Variants in PACS1 observed in about 807,000 individuals in gnomAD.
PACS1 encodes the protein phosphofurin acidic cluster sorting protein 1.
PACS1 carries 24 observed loss-of-function variants against 115.0 expected under a neutral mutation model. The ratio of observed to expected loss-of-function variants is 0.21; its 90% CI spans 0.15 to 0.29. The LOEUF (loss-of-function observed/expected upper bound fraction) is 0.29, where lower values mean the gene tolerates loss of function less well. Among genes scored for constraint, PACS1 ranks in the 10% least tolerant of loss-of-function variants. PACS1 has a pLI of 1.00. For missense variants in PACS1, 838 were observed against 1,251.2 expected (o/e 0.67, Z 4.98); for synonymous variants, 453 against 504.5 (o/e 0.90, Z 1.37).
intron 1 of PACS1, among the ~76,000 whole-genome samples, chr11:66,170,547 C>T (rs1375497001): frequency 6.7e-6 from 1 of 150,106 alleles, no homozygotes; most frequent in Non-Finnish European, 1.5e-5. Context: ...CTTTCAAATG[C>T]ATTATCTTTA....
intron 1 of PACS1, among the ~76,000 whole-genome samples, chr11:66,129,410 T>G (rs1858652323): frequency 6.7e-6 from 1 of 148,806 alleles, no homozygotes; most frequent in Non-Finnish European, 1.5e-5. Flanking sequence ...CCAGGCTGGG[T>G]GACAGAGCAA....
chr11:66,238,113 C>T (rs1855740486), intron 19 of PACS1: 3 of 985,390 alleles, frequency 3.0e-6, no homozygotes, highest in Non-Finnish European at 3.6e-6. Context: ...ACTGGAGGGC[C>T]CAGGCTGTCC....
At chr11:66,191,314 A>C (rs1432004338) in intron 1 of PACS1, among the ~76,000 whole-genome samples, 2 of 152,182 alleles carry the variant, frequency 1.3e-5, no homozygotes, top group African/African-American at 2.4e-5. Flanking sequence ...AATCCAGGAT[A>C]ATCTCCCCAT....
At chr11:66,134,414 C>T (rs1858790525) in intron 1 of PACS1, among the ~76,000 whole-genome samples, 1 of 151,598 alleles carries the variant, frequency 6.6e-6, no homozygotes, top group Non-Finnish European at 1.5e-5. Flanking sequence ...CTACAGGTGC[C>T]TGCCACTACA....
intron 1 of PACS1, among the ~76,000 whole-genome samples, chr11:66,161,058 T>C (rs1859477601): frequency 6.6e-6 from 1 of 152,148 alleles, no homozygotes; most frequent in Non-Finnish European, 1.5e-5. Context: ...GGATAAAAGA[T>C]GCTAATATAT....
intron 1 of PACS1, among the ~76,000 whole-genome samples, chr11:66,189,528 C>T (rs149610335): frequency 3.9e-5 from 6 of 152,190 alleles, no homozygotes; most frequent in Admixed American, 1.3e-4. Flanking sequence ...CAGCACAGAA[C>T]GTAACGTGAT....
intron 1 of PACS1, chr11:66,100,627 A>C: frequency 2.9e-6 from 1 of 348,292 alleles, no homozygotes; most frequent in South Asian, 2.1e-5. Context: ...ATAAGGGAAG[A>C]ACTATTTTGC....
intron 14 of PACS1, 107 bp downstream of exon 14, chr11:66,232,383 AC>A: frequency 1.5e-6 from 1 of 660,584 alleles, no homozygotes; most frequent in Non-Finnish European, 2.7e-6. Flanking sequence ...TGGGGAACTC[AC>A]CCCTCCATCA....
chr11:66,139,986 A>T (rs1415423997), intron 1 of PACS1, among the ~76,000 whole-genome samples: 3 of 152,208 alleles, frequency 2.0e-5, no homozygotes, highest in African/African-American at 7.2e-5. Flanking sequence ...AGTGGTGCCA[A>T]ACTACAGGAG....
At chr11:66,242,031 C>G (rs1387310841) in intron 22 of PACS1, among the ~76,000 whole-genome samples, 1 of 152,190 alleles carries the variant, frequency 6.6e-6, no homozygotes, top group African/African-American at 2.4e-5. Context: ...AGAACTTGCA[C>G]CCAGCCCTGG....
chr11:66,208,443 C>A (rs1854994426), intron 2 of PACS1, among the ~76,000 whole-genome samples: 2 of 151,964 alleles, frequency 1.3e-5, no homozygotes, highest in African/African-American at 4.8e-5. Context: ...TGTAGCGATA[C>A]CCCATCTCTA....
intron 10 of PACS1, 68 bp downstream of exon 10, chr11:66,221,315 C>T: frequency 7.6e-7 from 1 of 1,314,104 alleles, no homozygotes; most frequent in Non-Finnish European, 1.1e-6. Flanking sequence ...CTCTGGCCCT[C>T]TGCATCTCTG....
At chr11:66,115,505 C>G (rs188308868) in intron 1 of PACS1, among the ~76,000 whole-genome samples, 5 of 152,286 alleles carry the variant, frequency 3.3e-5, no homozygotes, top group Admixed American at 6.5e-5. Context: ...TATGGAGATG[C>G]ACAAATATGG....
At chr11:66,168,993 TTA>T (rs1292208655) in intron 1 of PACS1, among the ~76,000 whole-genome samples, 1 of 150,360 alleles carries the variant, frequency 6.7e-6, no homozygotes, top group Non-Finnish European at 1.5e-5. Context: ...CTTCATATTT[TTA>T]TGTCTTTTTT....
At chr11:66,167,078 A>G (rs801733) in intron 1 of PACS1, among the ~76,000 whole-genome samples, 1 of 149,882 alleles carries the variant, frequency 6.7e-6, no homozygotes, top group Non-Finnish European at 1.5e-5. Flanking sequence ...ACACACACCT[A>G]GTTTTGCCAA....
chr11:66,241,075 GTA>G (rs371771124), intron 21 of PACS1: 245 of 164,150 alleles, frequency 1.5e-3, no homozygotes, highest in Middle Eastern at 2.9e-3. Flanking sequence ...TGCTGGGCGT[GTA>G]TGTGTGTGTG....
intron 7 of PACS1, among the ~76,000 whole-genome samples, chr11:66,219,167 G>T (rs1855282209): frequency 6.6e-6 from 1 of 151,982 alleles, no homozygotes; most frequent in African/African-American, 2.4e-5. Flanking sequence ...GAAGGCTGTT[G>T]CTATGATCCC....
chr11:66,116,125 T>C (rs1400830033), intron 1 of PACS1, among the ~76,000 whole-genome samples: 1 of 152,220 alleles, frequency 6.6e-6, no homozygotes, highest in Non-Finnish European at 1.5e-5. Context: ...TTGGGTCCAG[T>C]GAAACCTTCC....
chr11:66,160,663 A>ATT (rs58145434), intron 1 of PACS1, among the ~76,000 whole-genome samples: 102 of 116,144 alleles, frequency 8.8e-4, no homozygotes, highest in East Asian at 2.5e-3. Flanking sequence ...TGCCTGGCTG[A>ATT]TTTTTTTTTT....
Sources: gnomAD v4.1 joint callset for allele counts (sites outside exome capture counted in the v4.1 genomes callset) on GRCh38, gnomAD v4.1.1 for gene constraint, MANE v1.5 for transcripts, NCBI Gene and HGNC (gene_info 2026-07-23, HGNC 2026-07-21) for gene names.